Variants in TNFAIP6 observed in about 807,000 individuals in gnomAD.
TNFAIP6 encodes the protein TNF alpha induced protein 6.
In TNFAIP6, 36 loss-of-function variants were observed where a neutral mutation model predicts 33.7. The observed-to-expected ratio is 1.07, with a 90% CI of 0.82 to 1.41. The LOEUF (loss-of-function observed/expected upper bound fraction) is 1.41. Among genes scored for constraint, TNFAIP6 ranks in the 40% most tolerant of loss-of-function variants. TNFAIP6 has a pLI of 0.00. For synonymous variants in TNFAIP6, 113 were observed against 112.8 expected (o/e 1.00, Z -0.01); for missense variants, 273 against 331.9 (o/e 0.82, Z 1.38).
rs778095400 is a variant in TNFAIP6, at chr2:151,357,641, G to T, written c.-26G>T. Reference sequence around the variant, plus strand: ...AGAATTTGTGAGCAGCCCCTAACAGGCTGTTACTTCACTACAACTGACGAT... The same window carrying T: ...AGAATTTGTGAGCAGCCCCTAACAGTCTGTTACTTCACTACAACTGACGAT... On this transcript the variant is annotated 5_prime_UTR_variant, in exon 1 of 6. Transcript: ENST00000243347. 7.0e-7 allele frequency: 1 copy of T among 1,437,106 alleles called. No individual in the cohort carries two copies. Among genetic ancestry groups the T allele is most frequent in the Non-Finnish European group, 9.8e-7 (1 of 1,019,468 alleles). The allele number at this position is 1,437,106 out of a possible 1,614,324, so 89.0% of individuals were successfully genotyped here. A position where few individuals can be genotyped will look rare whatever the true frequency, so the allele number is the denominator to read the frequency against.
At position 151,373,481 on chromosome 2, in the gene TNFAIP6, A is replaced by G. The variant is rs908891547; in HGVS notation, c.624-68A>G. The G allele has an allele frequency of 1.5e-5, 13 of 862,372 alleles. No individual in the cohort carries two copies. The African/African-American group carries it at 1.9e-4, about 13-fold the overall frequency. The allele number at this position is 862,372 out of a possible 1,614,324, so 53.4% of individuals were successfully genotyped here. ...ATTACTTAGAGGCTTAATTATCAGT[A>G]ACAGCCACTTTACTAGCTGTATAAT... On this transcript the variant is annotated intron_variant, in intron 4 of 5. Transcript: ENST00000243347.
At chr2:151,372,956 A>T (rs139018264) in intron 4 of TNFAIP6, among the ~76,000 whole-genome samples, 1 of 152,250 alleles carries the variant, frequency 6.6e-6, no homozygotes, top group African/African-American at 2.4e-5. Context: ...TTCCAAATAG[A>T]TTCAAATTAT....
intron 5 of TNFAIP6, among the ~76,000 whole-genome samples, chr2:151,375,233 C>T (rs996544086): frequency 1.4e-5 from 2 of 142,448 alleles, no homozygotes; most frequent in Non-Finnish European, 3.0e-5. Context: ...TTTATTGGCA[C>T]AACTTCAAGA....
At chr2:151,379,220 T>A in intron 5 of TNFAIP6, 144 bp from the exon 6 acceptor site, 1 of 744,546 alleles carries the variant, frequency 1.3e-6, no homozygotes, top group Non-Finnish European at 2.1e-6. Flanking sequence ...CCACAGACTC[T>A]TCAGCTTGAG....
intron 3 of TNFAIP6, 39 bp from the exon 4 acceptor site, chr2:151,369,981 T>C: frequency 1.4e-6 from 2 of 1,468,172 alleles, no homozygotes; most frequent in Admixed American, 2.0e-5. Context: ...TTTTTCCTAA[T>C]GCTTTGGGGT....
chr2:151,378,833 C>A (rs372778725), intron 5 of TNFAIP6, among the ~76,000 whole-genome samples: 3 of 151,886 alleles, frequency 2.0e-5, no homozygotes, highest in Admixed American at 1.3e-4. Flanking sequence ...CTCGGTGGCT[C>A]ACGCCTGTAA....
chr2:151,357,602 C>T lies in TNFAIP6; in HGVS notation c.-65C>T. On this transcript the variant is annotated 5_prime_UTR_variant, in exon 1 of 6. Coordinates refer to ENST00000243347, the MANE Select transcript of TNFAIP6 (RefSeq NM_007115.4). The stretch of plus-strand genomic sequence containing the variant: ...GAAACCAGATGTTTCAGTCACATTT[C>T]AGCCACTGCTCTGAGAATTTGTGAG... 1.0e-6 allele frequency: 1 copy of T among 990,464 alleles called. No individual in the cohort carries two copies. Among genetic ancestry groups the T allele is most frequent in the South Asian group, 1.3e-5 (1 of 76,920 alleles). 61.4% of individuals were successfully genotyped at this position (990,464 alleles called of 1,614,324 possible).
At chr2:151,371,024 C>T (rs10193875) in intron 4 of TNFAIP6, among the ~76,000 whole-genome samples, 27,485 of 151,556 alleles carry the variant, frequency 0.18, 2,853 homozygotes, top group African/African-American at 0.29. Flanking sequence ...TGAGCCAAGA[C>T]TGCACCACTG....
chr2:151,370,370 C>A, intron 4 of TNFAIP6, 122 bp downstream of exon 4: 2 of 727,638 alleles, frequency 2.7e-6, no homozygotes, highest in Non-Finnish European at 4.5e-6. Flanking sequence ...TCTCCTAAAG[C>A]ACCATATCAT....
chr2:151,380,005 T>A lies in TNFAIP6; in HGVS notation c.*472T>A, dbSNP rs1444942883. 6.6e-6 allele frequency: 1 copy of A among 152,228 alleles called. No individual in the cohort carries two copies. Among genetic ancestry groups the A allele is most frequent in the African/African-American group, 2.4e-5 (1 of 41,468 alleles). The allele number at this position is 152,228 out of a possible 1,614,324, so 9.4% of individuals were successfully genotyped here. A position where few individuals can be genotyped will look rare whatever the true frequency, so the allele number is the denominator to read the frequency against. On this transcript the variant is annotated 3_prime_UTR_variant, in exon 6 of 6. Coordinates refer to ENST00000243347, the MANE Select transcript of TNFAIP6 (RefSeq NM_007115.4). ...CTGTCTCTATTGTTGGAATTTCAGG[T>A]CATTTTCATAAATATTGTTGCAATA...
chr2:151,365,006 C>T (rs1260415309), intron 2 of TNFAIP6, among the ~76,000 whole-genome samples: 1 of 152,098 alleles, frequency 6.6e-6, no homozygotes, highest in Non-Finnish European at 1.5e-5. Context: ...GGAAACAGGG[C>T]TGAGCCTTTG....
chr2:151,365,761 C>T (rs1220880688), intron 2 of TNFAIP6, among the ~76,000 whole-genome samples: 1 of 151,972 alleles, frequency 6.6e-6, no homozygotes, highest in African/African-American at 2.4e-5. Context: ...GCATTCCATA[C>T]GTCATTTGTG....
At position 151,379,571 on chromosome 2, in the gene TNFAIP6, T is replaced by C; in HGVS notation, c.*38T>C. On this transcript the variant is annotated 3_prime_UTR_variant, in exon 6 of 6. Transcript: ENST00000243347. ...GGATGATCAAAACACACAGTGTTTA[T>C]GTTGGAATCTTTTGGAACTCCTTTG... 7.1e-7 allele frequency: 1 copy of C among 1,415,018 alleles called. No homozygotes were observed. The highest frequency in any genetic ancestry group is 9.4e-7 in the Non-Finnish European group (1 of 1,062,636). The allele number at this position is 1,415,018 out of a possible 1,614,324, so 87.7% of individuals were successfully genotyped here.
At chr2:151,377,615 T>A (rs1451259962) in intron 5 of TNFAIP6, among the ~76,000 whole-genome samples, 1 of 151,316 alleles carries the variant, frequency 6.6e-6, no homozygotes, top group South Asian at 2.1e-4. Context: ...ATAATCTAAG[T>A]TGAATTTTTG....
intron 1 of TNFAIP6, 129 bp from the exon 2 acceptor site, chr2:151,363,814 A>G: frequency 8.7e-7 from 1 of 1,150,226 alleles, no homozygotes; most frequent in South Asian, 1.9e-5. Context: ...TAGCTACCCA[A>G]GGCAGCCAAC....
chr2:151,369,590 A>T (rs1684776789), intron 3 of TNFAIP6, among the ~76,000 whole-genome samples: 1 of 152,156 alleles, frequency 6.6e-6, no homozygotes, highest in Non-Finnish European at 1.5e-5. Flanking sequence ...CCTGGGCAAC[A>T]TTGCAAGATC....
intron 1 of TNFAIP6, among the ~76,000 whole-genome samples, chr2:151,360,549 T>C (rs923100794): frequency 2.0e-5 from 3 of 152,186 alleles, no homozygotes; most frequent in Non-Finnish European, 4.4e-5. Context: ...AAAATATTAT[T>C]GCTTCTGAAA....
intron 4 of TNFAIP6, among the ~76,000 whole-genome samples, chr2:151,370,509 C>T (rs143744031): frequency 2.0e-5 from 3 of 147,784 alleles, no homozygotes; most frequent in Admixed American, 1.3e-4. Context: ...GATCTGACTA[C>T]AACATACTTA....
chr2:151,367,651 T>C (rs941661400), intron 3 of TNFAIP6, among the ~76,000 whole-genome samples: 1 of 152,174 alleles, frequency 6.6e-6, no homozygotes, highest in African/African-American at 2.4e-5. Context: ...TATAAATTAT[T>C]ATAAGTTGCT....
Sources: gnomAD v4.1 joint callset for allele counts (sites outside exome capture counted in the v4.1 genomes callset) on GRCh38, gnomAD v4.1.1 for gene constraint, MANE v1.5 for transcripts, NCBI Gene and HGNC (gene_info 2026-07-23, HGNC 2026-07-21) for gene names.